The following M1AP variants were observed in gnomAD, a reference collection of about 807,000 sequenced individuals.
M1AP encodes meiosis 1 arrest protein.
M1AP carries 39 observed loss-of-function variants against 51.2 expected under a neutral mutation model. That is an observed-to-expected ratio of 0.76 (90% CI 0.59 to 1.00). The LOEUF is 1.00. M1AP is among the 50% of genes least tolerant of loss of function. The probability of loss-of-function intolerance (pLI) is 0.00; values close to 1 mark genes in which losing one functional copy is unlikely to be tolerated. For synonymous variants in M1AP, 251 were observed against 249.2 expected, an observed-to-expected ratio of 1.01 and a Z score of -0.07; for missense variants, 545 against 641.2, an observed-to-expected ratio of 0.85 and a Z score of 1.62.
chr2:74,562,545 T>C lies in M1AP; in HGVS notation c.1075-122A>G, dbSNP rs1558645199. 5.5e-5 allele frequency: 56 copies of C among 1,011,642 alleles called. 1 individual carries two copies. In the East Asian group the frequency reaches 1.5e-3, roughly 26 times the overall value. The allele number at this position is 1,011,642 out of a possible 1,614,324, so 62.7% of individuals were successfully genotyped here. On this transcript the variant is annotated intron_variant, in intron 7 of 10. Transcript: ENST00000421985. ...CTGAGGAGGGCAGAGCCATTTAACT[T>C]CGGCCCTGGTAGGGAGGGACTTCCT...
At chr2:74,561,115 G>GAGGAGGAGGAGAAGGAGGAGGAGGAGA (rs1677922456) in intron 8 of M1AP, among the ~76,000 whole-genome samples, 1 of 131,054 alleles carries the variant, frequency 7.6e-6, no homozygotes. Context: ...GGAGGAGAAG[G>GAGGAGGAGGAGAAGGAGGAGGAGGAGA]AGGAGGAGGA....
chr2:74,563,616 A>C (rs569011203), intron 7 of M1AP, among the ~76,000 whole-genome samples: 68 of 151,752 alleles, frequency 4.5e-4, no homozygotes, highest in Non-Finnish European at 9.0e-4. Flanking sequence ...TAAAAAAAAA[A>C]AAAAAAAAAA....
intron 4 of M1AP, among the ~76,000 whole-genome samples, chr2:74,600,328 C>T (rs1444593636): frequency 6.6e-6 from 1 of 152,138 alleles, no homozygotes; most frequent in Non-Finnish European, 1.5e-5. Flanking sequence ...TAATTATGAC[C>T]TAAAAACAAA....
chr2:74,619,970 C>A (rs1340230826), intron 2 of M1AP, among the ~76,000 whole-genome samples: 1 of 152,180 alleles, frequency 6.6e-6, no homozygotes, highest in Non-Finnish European at 1.5e-5. Flanking sequence ...CCAGATACAT[C>A]CTTATTTATT....
At chr2:74,614,341 GCTC>G (rs1438930311) in intron 3 of M1AP, among the ~76,000 whole-genome samples, 6 of 152,144 alleles carry the variant, frequency 3.9e-5, no homozygotes, top group African/African-American at 1.4e-4. Context: ...CAACTTCCAA[GCTC>G]CTTACATGAA....
chr2:74,561,090 GAA>G (rs1371020640), intron 8 of M1AP, among the ~76,000 whole-genome samples: 12 of 108,760 alleles, frequency 1.1e-4, no homozygotes, highest in East Asian at 1.0e-3. Context: ...AGGAGGAGGA[GAA>G]GGAGAAGGAG....
chr2:74,645,121 G>A (rs1683526678), intron 1 of M1AP, among the ~76,000 whole-genome samples: 1 of 151,928 alleles, frequency 6.6e-6, no homozygotes, highest in Non-Finnish European at 1.5e-5. Context: ...CTGAGGCCAG[G>A]GAGACCACAA....
At chr2:74,644,959 G>A (rs1403370972) in intron 1 of M1AP, among the ~76,000 whole-genome samples, 1 of 152,100 alleles carries the variant, frequency 6.6e-6, no homozygotes, top group African/African-American at 2.4e-5. Flanking sequence ...CCATTTTAAA[G>A]TAGAGGCAGG....
intron 6 of M1AP, 88 bp downstream of exon 6, chr2:74,576,368 A>C: frequency 6.4e-6 from 9 of 1,400,008 alleles, no homozygotes; most frequent in South Asian, 1.3e-5. Context: ...CTGACACTTA[A>C]GAGATACCAT....
At chr2:74,564,992 G>A (rs980364349) in intron 7 of M1AP, among the ~76,000 whole-genome samples, 27 of 152,290 alleles carry the variant, frequency 1.8e-4, no homozygotes, top group African/African-American at 5.5e-4. Flanking sequence ...AAGCTGAGGC[G>A]GGCAGATCAA....
rs754335983 is a variant in M1AP, at chr2:74,560,247, C to T, written c.1326G>A (p.Leu442=). Residue 442 remains leucine (L), a synonymous_variant, in exon 9 of 11, where the codon TTG becomes TTA. Coordinates refer to ENST00000421985, the MANE Select transcript of M1AP (RefSeq NM_001321739.2). The part of the protein sequence containing the change: ...SLELEPTYNP[L]HVQSHLYSHL... ...GTGAGTACAGGTGGCTTTGAACATG[C>T]AAGGGGTTGTAGGTGGGCTCCAGCT... is the stretch of plus-strand genomic sequence containing the variant. 1.9e-6 allele frequency: 3 copies of T among 1,613,278 alleles called. No homozygotes were observed. The East Asian group carries it at 6.7e-5, about 36-fold the overall frequency.
intron 3 of M1AP, among the ~76,000 whole-genome samples, chr2:74,607,505 G>A (rs1233860415): frequency 6.6e-6 from 1 of 152,048 alleles, no homozygotes; most frequent in African/African-American, 2.4e-5. Context: ...ACGGAGTCTT[G>A]CTCTGTCGCC....
chr2:74,611,890 T>TG (rs1209598427), intron 3 of M1AP, among the ~76,000 whole-genome samples: 1 of 72,536 alleles, frequency 1.4e-5, no homozygotes, highest in Non-Finnish European at 2.9e-5. Flanking sequence ...GTGTTTTTTT[T>TG]TTTTTTTTTT....
At chr2:74,648,219 G>A in intron 1 of M1AP, 46 bp downstream of exon 1, 1 of 966,506 alleles carries the variant, frequency 1.0e-6, no homozygotes, top group Non-Finnish European at 1.2e-6. Flanking sequence ...AGTGGTGCCG[G>A]CTGCTCTCGG....
chr2:74,641,719 A>C (rs953531185), intron 1 of M1AP, among the ~76,000 whole-genome samples: 12 of 150,108 alleles, frequency 8.0e-5, no homozygotes, highest in Admixed American at 1.3e-4. Flanking sequence ...CAAGTGATCC[A>C]CCTGCCTCGG....
intron 2 of M1AP, among the ~76,000 whole-genome samples, chr2:74,616,491 G>C (rs558372352): frequency 6.6e-6 from 1 of 152,192 alleles, no homozygotes; most frequent in South Asian, 2.1e-4. Context: ...TAGAAATTTA[G>C]ATTGTTCCTT....
Position 74,558,749 on chromosome 2 carries a change from A to G in M1AP, c.1560T>C (p.Pro520=). 6.8e-6 allele frequency: 11 copies of G among 1,612,780 alleles called. No individual in the cohort carries two copies. Among genetic ancestry groups the G allele is most frequent in the Non-Finnish European group, 8.5e-6 (10 of 1,179,514 alleles). ...SKSSSDAFFL[P]SEWEKDPSRP is the part of the protein sequence containing the mutation. ...TTGAGGGATCCTTCTCCCACTCTGA[A>G]GGCAGGAAGAAGGCATCTGAGGAAG... Residue 520 remains proline, a synonymous_variant, in exon 11 of 11, where the codon CCT becomes CCC. Coordinates refer to ENST00000421985, the MANE Select transcript of M1AP (RefSeq NM_001321739.2).
chr2:74,565,658 C>G (rs1032162363), intron 7 of M1AP, among the ~76,000 whole-genome samples: 12 of 151,972 alleles, frequency 7.9e-5, no homozygotes, highest in Admixed American at 6.6e-4. Context: ...GAAACCCCAT[C>G]TCTACTAAAA....
chr2:74,640,464 T>C, intron 1 of M1AP, 137 bp from the exon 2 acceptor site: 1 of 170,930 alleles, frequency 5.9e-6, no homozygotes, highest in Non-Finnish European at 1.0e-5. Context: ...GGCCATCCTA[T>C]TTTTTTTTTT....
Sources: allele counts gnomAD v4.1 joint callset (sites outside exome capture counted in the v4.1 genomes callset), GRCh38; gene constraint gnomAD v4.1.1; transcripts MANE v1.5; gene names NCBI Gene and HGNC (gene_info 2026-07-23, HGNC 2026-07-21).